Variants in CLIC5 observed in about 807,000 individuals in gnomAD.
CLIC5 encodes the protein CLIC family member 5, also known as chloride intracellular channel protein 5.
In CLIC5, 20 loss-of-function variants were observed where a neutral mutation model predicts 24.7. That is an observed-to-expected ratio of 0.81 (90% CI 0.57 to 1.18). CLIC5 has a LOEUF of 1.18. CLIC5 is among the 50% of genes most tolerant of loss of function. CLIC5 has a pLI of 0.00. For synonymous variants in CLIC5, 159 were observed against 135.6 expected (o/e 1.17, Z -1.20); for missense variants, 341 against 326.1 (o/e 1.05, Z -0.35).
At chr6:46,067,278 C>T (rs1057360113) in intron 1 of CLIC5, among the ~76,000 whole-genome samples, 5 of 152,082 alleles carry the variant, frequency 3.3e-5, no homozygotes, top group South Asian at 4.2e-4. Context: ...GATTCGTTCC[C>T]CAAGGAGCTG....
chr6:45,989,638 A>G (rs185377952), intron 1 of CLIC5, among the ~76,000 whole-genome samples: 1 of 152,292 alleles, frequency 6.6e-6, no homozygotes, highest in Non-Finnish European at 1.5e-5. Context: ...CTTTATAGCA[A>G]TCTCTGCAGT....
chr6:46,023,840 C>A (rs1483292972), intron 1 of CLIC5, among the ~76,000 whole-genome samples: 1 of 151,646 alleles, frequency 6.6e-6, no homozygotes, highest in African/African-American at 2.4e-5. Context: ...TATACAAATA[C>A]TTTTTAAAAA....
intron 5 of CLIC5, among the ~76,000 whole-genome samples, chr6:45,904,293 C>T (rs553551477): frequency 1.3e-5 from 2 of 152,100 alleles, no homozygotes; most frequent in African/African-American, 2.4e-5. Flanking sequence ...ACTCAATAAA[C>T]ATCAAGTATT....
chr6:46,000,269 G>A (rs1046749915), intron 1 of CLIC5, among the ~76,000 whole-genome samples: 7 of 152,202 alleles, frequency 4.6e-5, no homozygotes, highest in East Asian at 1.9e-4. Flanking sequence ...TAACCTCCAC[G>A]TTGTTTGGAG....
intron 5 of CLIC5, among the ~76,000 whole-genome samples, chr6:45,905,982 G>T (rs1307621410): frequency 6.6e-6 from 1 of 152,074 alleles, no homozygotes; most frequent in African/African-American, 2.4e-5. Context: ...TTTCCCCATT[G>T]CTTATTTTTG....
At chr6:45,994,072 G>A (rs1766039670) in intron 1 of CLIC5, among the ~76,000 whole-genome samples, 1 of 152,038 alleles carries the variant, frequency 6.6e-6, no homozygotes, top group Non-Finnish European at 1.5e-5. Context: ...TTCTCCATGT[G>A]GTTCACTAAA....
At chr6:46,125,588 A>C in the CLIC5 span, among the ~76,000 whole-genome samples, 1 of 151,828 alleles carries the variant, frequency 6.6e-6, no homozygotes, top group Non-Finnish European at 1.5e-5. Context: ...AAATATATAT[A>C]TATATTTTTA....
At chr6:46,061,073 G>T (rs1240421557) in intron 1 of CLIC5, among the ~76,000 whole-genome samples, 1 of 152,248 alleles carries the variant, frequency 6.6e-6, no homozygotes, top group Non-Finnish European at 1.5e-5. Context: ...ATAGGCAATA[G>T]ACGAGAGGCT....
intron 4 of CLIC5, among the ~76,000 whole-genome samples, chr6:45,921,167 G>C (rs968962501): frequency 7.2e-5 from 11 of 152,252 alleles, no homozygotes; most frequent in Middle Eastern, 3.4e-3. Flanking sequence ...GGCAGGTAAG[G>C]GGGGGCTGAT....
chr6:45,967,900 C>G (rs551638642), intron 1 of CLIC5, among the ~76,000 whole-genome samples: 48 of 152,216 alleles, frequency 3.2e-4, no homozygotes, highest in African/African-American at 1.1e-3. Context: ...CAGGAGGGAA[C>G]CAACCCCATG....
At chr6:45,969,976 A>G (rs147898758) in intron 1 of CLIC5, among the ~76,000 whole-genome samples, 37 of 152,186 alleles carry the variant, frequency 2.4e-4, no homozygotes, top group African/African-American at 7.0e-4. Context: ...ATTAGGGGAG[A>G]TAACACAAGT....
Position 45,933,959 on chromosome 6 carries a change from T to C in CLIC5, c.406+7588A>G, listed in dbSNP as rs146654684. On this transcript the variant is annotated intron_variant, in intron 4 of 5. Transcript: ENST00000339561. ...AGCAGGAAGTCAGCAGGGCCTGGAG[T>C]CTACAGCAGCCTGAAAGAGAAGTCA... Among the ~76,000 whole-genome samples the C allele has an allele frequency of 5.3e-4, 80 of 151,720 alleles. No homozygotes were observed. The South Asian group carries it at 6.5e-3, about 12-fold the overall frequency.
intron 6 of CLIC5, among the ~76,000 whole-genome samples, chr6:45,884,801 G>T (rs1762291034): frequency 6.6e-6 from 1 of 152,034 alleles, no homozygotes; most frequent in Non-Finnish European, 1.5e-5. Flanking sequence ...TGGGGAACTG[G>T]ATTAAAGGCT....
chr6:45,996,472 G>A (rs974490889), intron 1 of CLIC5, among the ~76,000 whole-genome samples: 1 of 152,070 alleles, frequency 6.6e-6, no homozygotes, highest in Non-Finnish European at 1.5e-5. Flanking sequence ...GGGTTTTTAT[G>A]GTTTTAGGTC....
chr6:45,996,521 G>A (rs1259440865), intron 1 of CLIC5, among the ~76,000 whole-genome samples: 1 of 152,128 alleles, frequency 6.6e-6, no homozygotes, highest in Non-Finnish European at 1.5e-5. Context: ...ATTGATTTTT[G>A]TATAAGGTGT....
At chr6:46,044,310 G>A (rs1767896513) in intron 1 of CLIC5, among the ~76,000 whole-genome samples, 1 of 152,184 alleles carries the variant, frequency 6.6e-6, no homozygotes, top group Non-Finnish European at 1.5e-5. Flanking sequence ...TGGAATGACT[G>A]CACTTGACAG....
intron 1 of CLIC5, among the ~76,000 whole-genome samples, chr6:46,010,254 A>T (rs1369510296): frequency 6.6e-6 from 1 of 152,178 alleles, no homozygotes. Flanking sequence ...ACTTTTACTT[A>T]TTGGGCTACA....
intron 1 of CLIC5, among the ~76,000 whole-genome samples, chr6:45,990,717 T>C (rs1017043698): frequency 6.6e-6 from 1 of 152,222 alleles, no homozygotes; most frequent in Non-Finnish European, 1.5e-5. Flanking sequence ...TTAAACAAAG[T>C]TGGTGAGCAT....
intron 1 of CLIC5, among the ~76,000 whole-genome samples, chr6:46,023,958 T>C (rs1767256697): frequency 6.6e-6 from 1 of 152,126 alleles, no homozygotes; most frequent in Non-Finnish European, 1.5e-5. Context: ...TGATTTTCTT[T>C]TGGTGAACAG....
Sources: gnomAD v4.1 joint callset for allele counts (sites outside exome capture counted in the v4.1 genomes callset) on GRCh38, gnomAD v4.1.1 for gene constraint, MANE v1.5 for transcripts, NCBI Gene and HGNC (gene_info 2026-07-23, HGNC 2026-07-21) for gene names.